The following STAT4 variants were observed in gnomAD, a reference collection of about 807,000 sequenced individuals.
The protein encoded by STAT4 is signal transducer and activator of transcription 4.
In STAT4, 42 loss-of-function variants were observed where a neutral mutation model predicts 110.5. The observed-to-expected ratio is 0.38, with a 90% CI of 0.30 to 0.49. STAT4 has a LOEUF of 0.49. Among genes scored for constraint, STAT4 ranks in the 20% least tolerant of loss-of-function variants. The pLI is 0.95. For missense variants in STAT4, 632 were observed against 887.9 expected (o/e 0.71, Z 3.66); for synonymous variants, 284 against 302.2 (o/e 0.94, Z 0.63).
At position 191,037,255 on chromosome 2, in the gene STAT4, A is replaced by C. The variant is rs1230254492; in HGVS notation, c.1435-956T>G. ...CTAGGGAAGGTGACCCTACAATATT[A>C]TGATTAACCTCAAATACCTATTTTA... is the stretch of plus-strand genomic sequence containing the variant. On this transcript the variant is annotated intron_variant, in intron 16 of 23. Coordinates refer to ENST00000392320, the MANE Select transcript of STAT4 (RefSeq NM_003151.4). This position sits in a 1 kb window ranked among gnomAD's most constrained non-coding sequence, Gnocchi z 4.8. Among the ~76,000 whole-genome samples, 1 of 152,170 alleles carries C rather than the reference A, an allele frequency of 6.6e-6. No homozygotes were observed. The highest frequency in any genetic ancestry group is 2.4e-5 in the African/African-American group (1 of 41,434).
chr2:191,061,928 A>G lies in STAT4; in HGVS notation c.942-107T>C. ...TCCACTCAAAGTCCAAATTTTCTAC[A>G]CTTAGAAGATATTCAAACCCCCAAT... On this transcript the variant is annotated intron_variant, in intron 9 of 23. Coordinates refer to ENST00000392320, the MANE Select transcript of STAT4 (RefSeq NM_003151.4). This position sits in a 1 kb window ranked among gnomAD's most constrained non-coding sequence, Gnocchi z 6.2. 1 of 943,022 alleles carries G rather than the reference A, an allele frequency of 1.1e-6. No homozygotes were observed. The highest frequency in any genetic ancestry group is 1.4e-5 in the South Asian group (1 of 71,200). 58.4% of individuals were successfully genotyped at this position (943,022 alleles called of 1,614,324 possible). A position where few individuals can be genotyped will look rare whatever the true frequency, so the allele number is the denominator to read the frequency against.
chr2:191,133,127 T>C (rs1699088891), intron 3 of STAT4, among the ~76,000 whole-genome samples: 1 of 151,100 alleles, frequency 6.6e-6, no homozygotes, highest in South Asian at 2.1e-4. Context: ...TAAGGAAACA[T>C]TTAATATTTT....
At chr2:191,102,716 G>T (rs1698177232) in intron 3 of STAT4, among the ~76,000 whole-genome samples, 1 of 152,132 alleles carries the variant, frequency 6.6e-6, no homozygotes, top group East Asian at 1.9e-4. Flanking sequence ...TCAAGATAAG[G>T]CATTGAACAT....
intron 3 of STAT4, among the ~76,000 whole-genome samples, chr2:191,119,614 T>G (rs113634771): frequency 6.6e-6 from 1 of 152,244 alleles, no homozygotes; most frequent in Non-Finnish European, 1.5e-5. Context: ...AAATTATCTA[T>G]AGATTTAGTG....
rs1338860742 is a variant in STAT4, at chr2:191,146,207, T to C, written c.273+406A>G. 6.6e-6 allele frequency among the ~76,000 whole-genome samples: 1 copy of C among 152,124 alleles called. No individual in the cohort carries two copies. Among genetic ancestry groups the C allele is most frequent in the East Asian group, 1.9e-4 (1 of 5,188 alleles). ...GAGTGTGAGATCTGAACCAAATCTG[T>C]AAGAATACATTCACTCATGATGCTC... On this transcript the variant is annotated intron_variant, in intron 3 of 23. Coordinates refer to ENST00000392320, the MANE Select transcript of STAT4 (RefSeq NM_003151.4). This position sits in a 1 kb window ranked among gnomAD's most constrained non-coding sequence, Gnocchi z 4.5.
In STAT4 at chr2:191,061,904, C is replaced by A. The variant is rs1297118213; in HGVS notation, c.942-83G>T. The stretch of plus-strand genomic sequence containing the variant: ...AAACCACAGAGGAACAGGATGCTAT[C>A]CACTCAAAGTCCAAATTTTCTACAC... On this transcript the variant is annotated intron_variant, in intron 9 of 23. Coordinates refer to ENST00000392320, the MANE Select transcript of STAT4 (RefSeq NM_003151.4). This position sits in a 1 kb window ranked among gnomAD's most constrained non-coding sequence, Gnocchi z 6.2. 8 of 1,307,138 alleles carry A rather than the reference C, an allele frequency of 6.1e-6. No individual in the cohort carries two copies. The highest frequency in any genetic ancestry group is 2.5e-5 in the South Asian group (2 of 79,672). The allele number at this position is 1,307,138 out of a possible 1,614,324, so 81.0% of individuals were successfully genotyped here. A position where few individuals can be genotyped will look rare whatever the true frequency, so the allele number is the denominator to read the frequency against.
intron 16 of STAT4, among the ~76,000 whole-genome samples, chr2:191,036,909 TATC>T (rs1696062193): frequency 6.6e-6 from 1 of 152,204 alleles, no homozygotes; most frequent in Non-Finnish European, 1.5e-5. Context: ...AAACATAAAA[TATC>T]ATCTCATCTC....
chr2:191,100,804 AAT>A (rs1304902706), intron 3 of STAT4, among the ~76,000 whole-genome samples: 2 of 151,374 alleles, frequency 1.3e-5, no homozygotes, highest in African/African-American at 4.8e-5. Flanking sequence ...TATTATATAA[AAT>A]ATATGTGACT....
rs56263433 is a variant in STAT4, at chr2:191,140,488, A to G, written c.273+6125T>C. On this transcript the variant is annotated intron_variant, in intron 3 of 23. Transcript: ENST00000392320. This position sits in a 1 kb window ranked among gnomAD's most constrained non-coding sequence, Gnocchi z 4.4. ...GATATACAGTCAACAAACATGTAAA[A>G]ATGCTCAACATCACTAATTGTCAGT... Among the ~76,000 whole-genome samples, 265 of 152,340 alleles carry G rather than the reference A, an allele frequency of 1.7e-3. No individual in the cohort carries two copies. The highest frequency in any genetic ancestry group is 6.1e-3 in the African/African-American group (255 of 41,596).
At chr2:191,092,673 G>C (rs555670866) in intron 3 of STAT4, among the ~76,000 whole-genome samples, 1 of 152,168 alleles carries the variant, frequency 6.6e-6, no homozygotes, top group Non-Finnish European at 1.5e-5. Flanking sequence ...GGAGGTACCT[G>C]GTTCATCTCA....
rs1224813392 is a variant in STAT4, at chr2:191,062,849, T to C, written c.854A>G (p.Lys285Arg). 6.2e-7 allele frequency: 1 copy of C among 1,614,000 alleles called. No individual in the cohort carries two copies. The highest frequency in any genetic ancestry group is 2.2e-5 in the East Asian group (1 of 44,856). Residue 285 changes from lysine to arginine, a missense_variant, in exon 9 of 24, where the codon AAA becomes AGA. Lys to Arg is a conservative substitution (Grantham distance 26). This residue lies in a region of STAT4 where 488 missense variants were observed against 632.8 expected (regional missense o/e 0.77). Coordinates refer to ENST00000392320, the MANE Select transcript of STAT4 (RefSeq NM_003151.4). The surrounding 1 kb of genome is among the most constrained non-coding windows in gnomAD (Gnocchi z 4.9). Reference protein sequence around the residue: ...QLEKLEEQSTKMTYEGDPIPM... With the variant: ...QLEKLEEQSTRMTYEGDPIPM... Reference sequence around the variant, plus strand: ...AATGGGATCACCTTCATATGTCATTTTGGTAGATTGCTCCTCTAGTTTCTC... The same window carrying C: ...AATGGGATCACCTTCATATGTCATTCTGGTAGATTGCTCCTCTAGTTTCTC...
intron 3 of STAT4, among the ~76,000 whole-genome samples, chr2:191,084,990 T>G (rs1254951542): frequency 6.6e-6 from 1 of 151,934 alleles, no homozygotes; most frequent in Non-Finnish European, 1.5e-5. Context: ...AGTTTTTCTC[T>G]CGAACAAGAT....
chr2:191,074,919 G>A (rs768610163), intron 4 of STAT4, among the ~76,000 whole-genome samples: 14 of 152,160 alleles, frequency 9.2e-5, no homozygotes, highest in Non-Finnish European at 1.8e-4. Context: ...CCAGCACTTT[G>A]GGAGGTCAAG....
intron 3 of STAT4, among the ~76,000 whole-genome samples, chr2:191,132,993 A>T (rs930364654): frequency 6.6e-6 from 1 of 151,392 alleles, no homozygotes; most frequent in Non-Finnish European, 1.5e-5. Context: ...TGACCTCGTG[A>T]TCTGCCCACC....
rs1379474858 is a variant in STAT4 at position 191,043,483 on chromosome 2, A to G, written c.1252-2335T>C. ...TACCACTTATGCAATTGTTACAATC[A>G]CTTTGGAGAACAATTCCTCAGTATC... is the stretch of plus-strand genomic sequence containing the variant. On this transcript the variant is annotated intron_variant, in intron 14 of 23. Transcript: ENST00000392320. This position sits in a 1 kb window ranked among gnomAD's most constrained non-coding sequence, Gnocchi z 4.8. Among the ~76,000 whole-genome samples the G allele has an allele frequency of 6.6e-6, 1 of 152,212 alleles. No individual in the cohort carries two copies. The highest frequency in any genetic ancestry group is 1.5e-5 in the Non-Finnish European group (1 of 68,026).
chr2:191,074,458 C>T (rs1250475288), intron 4 of STAT4, among the ~76,000 whole-genome samples: 1 of 152,082 alleles, frequency 6.6e-6, no homozygotes, highest in Non-Finnish European at 1.5e-5. Context: ...ATTTAATAAC[C>T]AGCACTTCTT....
At chr2:191,075,036 T>G (rs1330260031) in intron 4 of STAT4, among the ~76,000 whole-genome samples, 2 of 152,076 alleles carry the variant, frequency 1.3e-5, no homozygotes, top group African/African-American at 2.4e-5. Flanking sequence ...GGCAGGTGCC[T>G]GTAATCCCAG....
At chr2:191,048,788 C>CAAAAAA (rs60267174) in intron 14 of STAT4, among the ~76,000 whole-genome samples, 1 of 48,794 alleles carries the variant, frequency 2.0e-5, no homozygotes, top group African/African-American at 1.0e-4. Flanking sequence ...AACTCCATCT[C>CAAAAAA]AAAAAAAAAA....
At chr2:191,074,441 A>G (rs1697255717) in intron 4 of STAT4, among the ~76,000 whole-genome samples, 2 of 152,210 alleles carry the variant, frequency 1.3e-5, no homozygotes, top group Admixed American at 1.3e-4. Context: ...TTGTCTACCT[A>G]GTTGAAATTT....
Sources: gnomAD v4.1 joint callset for allele counts (sites outside exome capture counted in the v4.1 genomes callset) on GRCh38, gnomAD v4.1.1 for gene constraint, gnomAD v4.1.1 regional missense constraint, Gnocchi (gnomAD v3.1) non-coding constraint, MANE v1.5 for transcripts, NCBI Gene and HGNC (gene_info 2026-07-23, HGNC 2026-07-21) for gene names.